MYO5B: variants seen among roughly 807,000 people sequenced by gnomAD.
The protein encoded by MYO5B is unconventional myosin-Vb.
MYO5B carries 143 observed loss-of-function variants against 229.3 expected under a neutral mutation model. That is an observed-to-expected ratio of 0.62 (90% CI 0.54 to 0.72). MYO5B has a LOEUF of 0.72. Among genes scored for constraint, MYO5B ranks in the 30% least tolerant of loss-of-function variants. The pLI, the probability that MYO5B is intolerant of heterozygous loss-of-function variation, is 0.00. For synonymous variants in MYO5B, 918 were observed against 885.2 expected (o/e 1.04, Z -0.66); for missense variants, 2,321 against 2,331.0 (o/e 1.00, Z 0.09).
intron 1 of MYO5B, among the ~76,000 whole-genome samples, chr18:50,090,786 G>T (rs1037745215): frequency 1.3e-5 from 2 of 152,060 alleles, no homozygotes; most frequent in African/African-American, 4.8e-5. Flanking sequence ...GATCCATCCA[G>T]AAAGAGCCTC....
chr18:49,900,662 C>T lies in MYO5B; in HGVS notation c.2811+1932G>A, dbSNP rs561646048. On this transcript the variant is annotated intron_variant, in intron 21 of 39. Coordinates refer to ENST00000285039, the MANE Select transcript of MYO5B (RefSeq NM_001080467.3). ...CAGTATAGAATAGATACATTAAATC[C>T]CAATGACTTACAAAGCCATACCCAC... 3.3e-5 allele frequency among the ~76,000 whole-genome samples: 5 copies of T among 152,294 alleles called. No individual in the cohort carries two copies. In the South Asian group the frequency reaches 1.0e-3, roughly 32 times the overall value.
At chr18:50,079,289 G>A (rs1303719309) in intron 1 of MYO5B, among the ~76,000 whole-genome samples, 1 of 152,214 alleles carries the variant, frequency 6.6e-6, no homozygotes, top group Non-Finnish European at 1.5e-5. Context: ...CCACATGTGT[G>A]TCTATATTGT....
intron 39 of MYO5B, 43 bp downstream of exon 39, chr18:49,835,301 A>T: frequency 7.1e-7 from 1 of 1,415,288 alleles, no homozygotes; most frequent in Non-Finnish European, 1.0e-6. Flanking sequence ...TTTCCTTTAT[A>T]GTCGTAGACT....
intron 4 of MYO5B, among the ~76,000 whole-genome samples, chr18:50,011,158 T>C (rs1161578796): frequency 6.6e-6 from 1 of 152,120 alleles, no homozygotes. Flanking sequence ...CTGGCTAACA[T>C]GGTGAAACCC....
chr18:50,021,000 C>T (rs758637982), intron 4 of MYO5B, among the ~76,000 whole-genome samples: 4 of 152,190 alleles, frequency 2.6e-5, no homozygotes, highest in Non-Finnish European at 5.9e-5. Context: ...CCAGCAGCTG[C>T]CCACATGGAG....
chr18:50,111,171 G>A lies in MYO5B; in HGVS notation c.28-55793C>T, dbSNP rs150137521. On this transcript the variant is annotated intron_variant, in intron 1 of 39. Transcript: ENST00000285039. ...TTACTAGAGTGGGAACAGAGGCTGT[G>A]TCAACTCAGTAATGTTGATGCCTTG... Among the ~76,000 whole-genome samples the A allele has an allele frequency of 5.6e-4, 86 of 152,338 alleles. No homozygotes were observed. The East Asian group carries it at 0.014, about 24-fold the overall frequency.
intron 2 of MYO5B, among the ~76,000 whole-genome samples, chr18:50,050,741 G>A (rs2030369597): frequency 1.3e-5 from 2 of 152,182 alleles, no homozygotes; most frequent in Non-Finnish European, 2.9e-5. Flanking sequence ...TGAGGTTCAT[G>A]GGTTGTAACA....
intron 1 of MYO5B, chr18:50,098,993 A>C (rs2031605972): frequency 6.5e-6 from 1 of 152,990 alleles, no homozygotes; most frequent in Admixed American, 6.5e-5. Context: ...AACAGATTAA[A>C]ACGGCCTTTA....
chr18:49,845,890 C>T (rs2144046249), intron 33 of MYO5B, among the ~76,000 whole-genome samples: 1 of 152,344 alleles, frequency 6.6e-6, no homozygotes, highest in Admixed American at 6.5e-5. Context: ...GCACAGGTCA[C>T]ACAGACTCCC....
intron 1 of MYO5B, among the ~76,000 whole-genome samples, chr18:50,127,574 C>T (rs1332615632): frequency 1.3e-5 from 2 of 152,068 alleles, no homozygotes; most frequent in Non-Finnish European, 2.9e-5. Flanking sequence ...TGGTGGAGCG[C>T]ATAAAAGGTA....
At chr18:49,926,785 G>A (rs2025133096) in intron 17 of MYO5B, among the ~76,000 whole-genome samples, 1 of 152,176 alleles carries the variant, frequency 6.6e-6, no homozygotes, top group African/African-American at 2.4e-5. Flanking sequence ...GTCTATTGAG[G>A]AATGAATGGA....
At chr18:49,922,923 G>A (rs996423301) in intron 17 of MYO5B, among the ~76,000 whole-genome samples, 47 of 152,184 alleles carry the variant, frequency 3.1e-4, no homozygotes, top group African/African-American at 9.4e-4. Context: ...GCTCGGATTC[G>A]CAGCAAGGTG....
At chr18:49,988,902 G>T (rs16951365) in intron 7 of MYO5B, among the ~76,000 whole-genome samples, 8 of 152,148 alleles carry the variant, frequency 5.3e-5, no homozygotes, top group African/African-American at 1.9e-4. Flanking sequence ...ATCGTGTTCC[G>T]GGGAAAATCA....
chr18:49,930,650 T>C (rs1197649559), intron 16 of MYO5B, among the ~76,000 whole-genome samples: 3 of 152,114 alleles, frequency 2.0e-5, no homozygotes, highest in Non-Finnish European at 4.4e-5. Flanking sequence ...CCCAGTACTT[T>C]GGGAGGCCGA....
At chr18:50,140,712 A>T (rs1568121892) in intron 1 of MYO5B, among the ~76,000 whole-genome samples, 1 of 152,214 alleles carries the variant, frequency 6.6e-6, no homozygotes, top group Non-Finnish European at 1.5e-5. Flanking sequence ...GGTGCAAACC[A>T]TTAGGGCCGA....
intron 2 of MYO5B, among the ~76,000 whole-genome samples, chr18:50,043,899 G>A (rs1343753305): frequency 6.6e-6 from 1 of 151,804 alleles, no homozygotes; most frequent in Admixed American, 6.6e-5. Flanking sequence ...AGGGGAAAAG[G>A]AGTGAGGGAT....
At chr18:50,040,361 T>G (rs751607193) in intron 2 of MYO5B, 47 bp from the exon 3 acceptor site, 3 of 1,537,700 alleles carry the variant, frequency 2.0e-6, no homozygotes, top group Non-Finnish European at 1.8e-6. Context: ...TATGAAGCGT[T>G]AAGTCTGTAT....
At chr18:49,972,640 A>C (rs1347320891) in intron 10 of MYO5B, among the ~76,000 whole-genome samples, 2 of 152,210 alleles carry the variant, frequency 1.3e-5, no homozygotes, top group Non-Finnish European at 2.9e-5. Context: ...GGTAATACCG[A>C]AAGGTCAGTA....
rs144414720 is a variant in MYO5B, at chr18:49,926,923, G to A, written c.2090+2589C>T. ...TAACTGAAATAAGCCACTCACAAAAGGACAAATACTGTATTAATCCAATTA... is the reference window on the plus strand; with the variant it reads ...TAACTGAAATAAGCCACTCACAAAAAGACAAATACTGTATTAATCCAATTA... On this transcript the variant is annotated intron_variant, in intron 17 of 39. Transcript: ENST00000285039. Among the ~76,000 whole-genome samples the A allele has an allele frequency of 2.1e-3, 327 of 152,186 alleles. 3 individuals carry two copies. The highest frequency in any genetic ancestry group is 7.3e-3 in the African/African-American group (305 of 41,522).
Sources: gnomAD v4.1 joint callset for allele counts (sites outside exome capture counted in the v4.1 genomes callset) on GRCh38, gnomAD v4.1.1 for gene constraint, MANE v1.5 for transcripts, NCBI Gene and HGNC (gene_info 2026-07-23, HGNC 2026-07-21) for gene names.